The following DPP10 variants were observed in gnomAD, a reference collection of about 807,000 sequenced individuals.
DPP10 encodes the protein inactive dipeptidyl peptidase 10.
DPP10 carries 33 observed loss-of-function variants against 120.9 expected under a neutral mutation model. That is an observed-to-expected ratio of 0.27 (90% confidence interval 0.21 to 0.37). The LOEUF is 0.37. Among genes scored for constraint, DPP10 ranks in the 10% least tolerant of loss-of-function variants. The pLI is 1.00. For synonymous variants in DPP10, 337 were observed against 326.1 expected (o/e 1.03, Z -0.36); for missense variants, 816 against 942.8 (o/e 0.87, Z 1.76).
intron 2 of DPP10, among the ~76,000 whole-genome samples, chr2:115,338,467 G>A (rs942013950): frequency 6.6e-6 from 1 of 151,868 alleles, no homozygotes; most frequent in African/African-American, 2.4e-5. Flanking sequence ...TTTAGTTTTA[G>A]GGATTAGGCC....
At position 114,631,224 on chromosome 2, in the gene DPP10, G is replaced by C. The variant is rs151241705; in HGVS notation, c.60+188386G>C. ...CCTACGGCTGCTGAGCAGAGAGTGA[G>C]GAGCTGGAAGAGGTCATTTGCCAGC... is the stretch of plus-strand genomic sequence containing the variant. On this transcript the variant is annotated intron_variant, in intron 1 of 25. Coordinates refer to ENST00000410059, the MANE Select transcript of DPP10 (RefSeq NM_020868.6). Among the ~76,000 whole-genome samples the C allele has an allele frequency of 7.3e-3, 1,118 of 152,184 alleles. 10 individuals carry two copies. The highest frequency in any genetic ancestry group is 0.026 in the African/African-American group (1,061 of 41,518).
intron 5 of DPP10, among the ~76,000 whole-genome samples, chr2:115,636,454 G>A (rs1465721003): frequency 1.3e-5 from 2 of 152,120 alleles, no homozygotes; most frequent in Admixed American, 6.6e-5. Context: ...TGTGGTAATG[G>A]TGTTGTGGTT....
chr2:115,255,777 C>T (rs2058958133), intron 1 of DPP10, among the ~76,000 whole-genome samples: 1 of 152,146 alleles, frequency 6.6e-6, no homozygotes, highest in African/African-American at 2.4e-5. Flanking sequence ...ACTACTGTGG[C>T]CTGGGCGTCA....
chr2:114,963,871 A>G (rs1381029744), intron 1 of DPP10, among the ~76,000 whole-genome samples: 1 of 152,222 alleles, frequency 6.6e-6, no homozygotes, highest in Non-Finnish European at 1.5e-5. Context: ...GAACAGAACT[A>G]GAAGAGGAGT....
chr2:115,039,907 A>G (rs1704508220), intron 1 of DPP10, among the ~76,000 whole-genome samples: 1 of 152,118 alleles, frequency 6.6e-6, no homozygotes, highest in Non-Finnish European at 1.5e-5. Flanking sequence ...CAGTCACGGC[A>G]GAAGGCGACA....
intron 3 of DPP10, among the ~76,000 whole-genome samples, chr2:115,387,194 C>G (rs1294650129): frequency 6.6e-6 from 1 of 152,086 alleles, no homozygotes; most frequent in Non-Finnish European, 1.5e-5. Flanking sequence ...TTTTTCAGCA[C>G]CACCCCCACA....
intron 13 of DPP10, among the ~76,000 whole-genome samples, chr2:115,772,518 G>A (rs1681598436): frequency 6.6e-6 from 1 of 152,032 alleles, no homozygotes; most frequent in South Asian, 2.1e-4. Context: ...ATAAAACTAT[G>A]GCTTTTCTGG....
intron 3 of DPP10, among the ~76,000 whole-genome samples, chr2:115,352,239 A>T (rs1574523201): frequency 6.6e-6 from 1 of 152,274 alleles, no homozygotes; most frequent in East Asian, 1.9e-4. Context: ...TGAAATATAA[A>T]ACTATATTTT....
At chr2:114,611,384 A>G (rs1290924613) in intron 1 of DPP10, among the ~76,000 whole-genome samples, 12 of 152,210 alleles carry the variant, frequency 7.9e-5, no homozygotes, top group Non-Finnish European at 4.4e-5. Context: ...TCTATGAATA[A>G]TAAATACTGA....
intron 5 of DPP10, among the ~76,000 whole-genome samples, chr2:115,532,011 A>G (rs2078498609): frequency 6.6e-6 from 1 of 152,108 alleles, no homozygotes. Flanking sequence ...ACATATCACA[A>G]TTGATCCACT....
intron 2 of DPP10, among the ~76,000 whole-genome samples, chr2:115,322,220 T>C (rs923013335): frequency 6.6e-6 from 1 of 152,192 alleles, no homozygotes; most frequent in Non-Finnish European, 1.5e-5. Flanking sequence ...CTGTAGCTAT[T>C]TGTGTTTTCT....
At chr2:115,292,806 G>A (rs1232336766) in intron 1 of DPP10, among the ~76,000 whole-genome samples, 1 of 152,088 alleles carries the variant, frequency 6.6e-6, no homozygotes, top group Admixed American at 6.6e-5. Context: ...TCTGAGCATT[G>A]TCCCATGGCA....
intron 1 of DPP10, among the ~76,000 whole-genome samples, chr2:114,663,668 TAGAGAGAG>T (rs1553479098): frequency 5.0e-5 from 4 of 80,740 alleles, no homozygotes; most frequent in Non-Finnish European, 7.9e-5. Flanking sequence ...TATATATATA[TAGAGAGAG>T]AGAGAGAGAG....
intron 1 of DPP10, among the ~76,000 whole-genome samples, chr2:114,550,727 A>G (rs181327738): frequency 6.6e-6 from 1 of 152,296 alleles, no homozygotes; most frequent in Non-Finnish European, 1.5e-5. Flanking sequence ...TTTCTGTGAC[A>G]CATTATACCA....
intron 1 of DPP10, among the ~76,000 whole-genome samples, chr2:115,203,038 A>G (rs1162454040): frequency 6.6e-6 from 1 of 152,222 alleles, no homozygotes; most frequent in Non-Finnish European, 1.5e-5. Context: ...GGAAATTTCA[A>G]TATATGGCCA....
intron 1 of DPP10, among the ~76,000 whole-genome samples, chr2:115,069,600 A>G (rs1246815416): frequency 6.6e-6 from 1 of 152,114 alleles, no homozygotes; most frequent in Admixed American, 6.5e-5. Flanking sequence ...TACAAAGACA[A>G]ATAAAAGGAT....
At chr2:115,230,900 A>G (rs1384405758) in intron 1 of DPP10, among the ~76,000 whole-genome samples, 2 of 152,056 alleles carry the variant, frequency 1.3e-5, no homozygotes, top group African/African-American at 2.4e-5. Context: ...AACTTCTGGC[A>G]CACCATAGTT....
chr2:114,531,430 A>C (rs970034482), intron 1 of DPP10, among the ~76,000 whole-genome samples: 1 of 151,630 alleles, frequency 6.6e-6, no homozygotes. Flanking sequence ...GGAGAGAGAG[A>C]AAGAATTGAC....
At chr2:115,654,729 T>C (rs1232020646) in intron 5 of DPP10, among the ~76,000 whole-genome samples, 1 of 151,878 alleles carries the variant, frequency 6.6e-6, no homozygotes, top group Non-Finnish European at 1.5e-5. Flanking sequence ...GGACCAATAG[T>C]AGTCTTTATT....
Sources: allele counts gnomAD v4.1 joint callset (sites outside exome capture counted in the v4.1 genomes callset), GRCh38; gene constraint gnomAD v4.1.1; transcripts MANE v1.5; gene names NCBI Gene and HGNC (gene_info 2026-07-23, HGNC 2026-07-21).